CHSY3: variants seen among roughly 807,000 people sequenced by gnomAD.
CHSY3 encodes N-acetylgalactosaminyl-proteoglycan 3-beta-glucuronosyltransferase 3.
In CHSY3, 35 loss-of-function variants were observed where a neutral mutation model predicts 67.2. That is an observed-to-expected ratio of 0.52 (90% CI 0.40 to 0.69). The LOEUF is 0.69. Ranked by LOEUF, CHSY3 falls within the 30% of genes least tolerant of loss-of-function variation. CHSY3 has a pLI of 0.00. For missense variants in CHSY3, 1,069 were observed against 1,138.5 expected (o/e 0.94, Z 0.88); for synonymous variants, 474 against 434.7 (o/e 1.09, Z -1.12).
chr5:129,972,065 A>AG (rs1169140123), intron 2 of CHSY3, among the ~76,000 whole-genome samples: 1 of 152,098 alleles, frequency 6.6e-6, no homozygotes, highest in African/African-American at 2.4e-5. Flanking sequence ...TTCTATCAAG[A>AG]GATAGACTTT....
intron 2 of CHSY3, among the ~76,000 whole-genome samples, chr5:129,990,619 G>T (rs1763334819): frequency 6.6e-6 from 1 of 152,018 alleles, no homozygotes; most frequent in South Asian, 2.1e-4. Flanking sequence ...TATTATTCCA[G>T]TAGCATTTTT....
chr5:130,119,763 T>G (rs1038815500), intron 2 of CHSY3, among the ~76,000 whole-genome samples: 1 of 152,232 alleles, frequency 6.6e-6, no homozygotes, highest in African/African-American at 2.4e-5. Context: ...TAGAATATTT[T>G]ATTCCTTTTG....
At position 129,990,377 on chromosome 5, in the gene CHSY3, A is replaced by ACTGTGT. The variant is rs1554075035; in HGVS notation, c.1086+82017_1086+82018insCTGTGT. Among the ~76,000 whole-genome samples the ACTGTGT allele has an allele frequency of 2.9e-3, 434 of 147,578 alleles. 6 individuals are homozygous for ACTGTGT. The highest frequency in any genetic ancestry group is 0.01 in the African/African-American group (410 of 40,048). On this transcript the variant is annotated intron_variant, in intron 2 of 2. Transcript: ENST00000305031. ...GGGGCTGAAGTGGTGTGAGTGAGTG[A>ACTGTGT]GTGTGTGTGTGTGTGTGTGTGTGTG...
At chr5:130,066,744 C>CT (rs1171462564) in intron 2 of CHSY3, among the ~76,000 whole-genome samples, 1 of 152,072 alleles carries the variant, frequency 6.6e-6, no homozygotes, top group African/African-American at 2.4e-5. Context: ...GTCATCTACT[C>CT]TGAGTATTTA....
intron 2 of CHSY3, among the ~76,000 whole-genome samples, chr5:130,030,472 A>G (rs978458232): frequency 6.6e-6 from 1 of 152,166 alleles, no homozygotes. Flanking sequence ...TTAATTTTCC[A>G]AAAGGAGCAT....
intron 2 of CHSY3, among the ~76,000 whole-genome samples, chr5:130,107,004 T>G (rs1255888924): frequency 6.6e-6 from 1 of 151,480 alleles, no homozygotes; most frequent in East Asian, 1.9e-4. Context: ...CAATTCTCAT[T>G]TTGTCACTGT....
At chr5:129,967,864 G>A (rs1158706821) in intron 2 of CHSY3, among the ~76,000 whole-genome samples, 1 of 151,730 alleles carries the variant, frequency 6.6e-6, no homozygotes, top group African/African-American at 2.4e-5. Flanking sequence ...TAACATTAAT[G>A]TCTAGATTTT....
At chr5:130,074,771 A>T (rs1365815139) in intron 2 of CHSY3, among the ~76,000 whole-genome samples, 1 of 152,160 alleles carries the variant, frequency 6.6e-6, no homozygotes, top group Non-Finnish European at 1.5e-5. Context: ...AAAATTACAT[A>T]TTTAGGATTC....
chr5:130,137,550 T>C (rs1660876126), intron 2 of CHSY3, among the ~76,000 whole-genome samples: 1 of 152,338 alleles, frequency 6.6e-6, no homozygotes, highest in Middle Eastern at 3.4e-3. Flanking sequence ...TCAGAAATGT[T>C]GCACATTAAA....
In CHSY3 at chr5:129,997,473, G is replaced by A. The variant is rs573538665; in HGVS notation, c.1086+89113G>A. ...ACTAGAAATAATCAATAACTTAATT[G>A]ATAGTAATTTAACAGTAAAATATTT... On this transcript the variant is annotated intron_variant, in intron 2 of 2. Coordinates refer to ENST00000305031, the MANE Select transcript of CHSY3 (RefSeq NM_175856.5). Among the ~76,000 whole-genome samples the A allele has an allele frequency of 3.9e-5, 6 of 152,026 alleles. No homozygotes were observed. In the South Asian group the frequency reaches 1.0e-3, roughly 26 times the overall value.
chr5:129,982,598 A>G (rs1170244191), intron 2 of CHSY3, among the ~76,000 whole-genome samples: 1 of 152,080 alleles, frequency 6.6e-6, no homozygotes, highest in African/African-American at 2.4e-5. Flanking sequence ...CAGGTACTAT[A>G]TTTAATACCA....
At chr5:129,976,688 G>A (rs1321926219) in intron 2 of CHSY3, among the ~76,000 whole-genome samples, 1 of 151,830 alleles carries the variant, frequency 6.6e-6, no homozygotes, top group African/African-American at 2.4e-5. Flanking sequence ...TAAATGGTGG[G>A]ATTTTTGGCT....
intron 2 of CHSY3, among the ~76,000 whole-genome samples, chr5:129,962,179 G>A (rs571128398): frequency 1.1e-4 from 17 of 152,004 alleles, no homozygotes; most frequent in African/African-American, 3.6e-4. Flanking sequence ...TCAAGACTCA[G>A]ACTCAACACT....
chr5:130,102,802 T>C (rs1767289700), intron 2 of CHSY3, among the ~76,000 whole-genome samples: 1 of 152,052 alleles, frequency 6.6e-6, no homozygotes, highest in South Asian at 2.1e-4. Context: ...CCAGGAATCT[T>C]CTGGTCCATG....
chr5:130,184,479 T>C lies in CHSY3; in HGVS notation c.1337T>C (p.Leu446Pro), dbSNP rs1224287714. 1 of 1,613,450 alleles carries C rather than the reference T, an allele frequency of 6.2e-7. No individual in the cohort carries two copies. Among genetic ancestry groups the C allele is most frequent in the South Asian group, 1.1e-5 (1 of 91,070 alleles). Residue 446 changes from leucine to proline, a missense_variant, in exon 3 of 3, where the codon CTG becomes CCG. Leu to Pro is a moderately conservative substitution (Grantham distance 98, BLOSUM62 -3). This residue lies in a region of CHSY3 where 401 missense variants were observed against 395.2 expected (regional missense o/e 1.01). Transcript: ENST00000305031. ...NTEVSKEDQQ[L>P]GVIPSFNHFQ... is the part of the protein sequence containing the mutation. Reference sequence around the variant, plus strand: ...GAAGTGAGCAAAGAGGACCAGCAGCTGGGAGTGATACCTTCTTTCAACCAC... The same window carrying C: ...GAAGTGAGCAAAGAGGACCAGCAGCCGGGAGTGATACCTTCTTTCAACCAC...
intron 2 of CHSY3, among the ~76,000 whole-genome samples, chr5:130,026,698 A>G (rs911461436): frequency 1.3e-5 from 2 of 152,160 alleles, no homozygotes; most frequent in African/African-American, 4.8e-5. Context: ...TTTAAAAAGT[A>G]AGTTGTTTTA....
chr5:129,997,847 T>G (rs1763591361), intron 2 of CHSY3, among the ~76,000 whole-genome samples: 1 of 152,194 alleles, frequency 6.6e-6, no homozygotes, highest in African/African-American at 2.4e-5. Context: ...TTACCCTTTT[T>G]CTTATGGCTG....
intron 2 of CHSY3, among the ~76,000 whole-genome samples, chr5:129,934,434 T>C (rs1353295908): frequency 6.6e-6 from 1 of 152,158 alleles, no homozygotes; most frequent in African/African-American, 2.4e-5. Context: ...AGTGGTTTTA[T>C]TGCCAGTTGA....
At chr5:130,055,249 T>G (rs1335838491) in intron 2 of CHSY3, among the ~76,000 whole-genome samples, 1 of 150,744 alleles carries the variant, frequency 6.6e-6, no homozygotes, top group Admixed American at 6.6e-5. Flanking sequence ...CCCTCCTTTC[T>G]GCCAATTATG....
Sources: allele counts gnomAD v4.1 joint callset (sites outside exome capture counted in the v4.1 genomes callset), GRCh38; gene constraint gnomAD v4.1.1; regional missense constraint gnomAD v4.1.1; transcripts MANE v1.5; gene names NCBI Gene and HGNC (gene_info 2026-07-23, HGNC 2026-07-21).